SETD5: variants seen among roughly 807,000 people sequenced by gnomAD.
SETD5 encodes the protein histone-lysine N-methyltransferase SETD5.
In SETD5, 44 loss-of-function variants were observed where a neutral mutation model predicts 153.3. The ratio of observed to expected loss-of-function variants is 0.29; its 90% CI spans 0.23 to 0.37. The LOEUF (loss-of-function observed/expected upper bound fraction) is 0.37, where lower values mean the gene tolerates loss of function less well. Among genes scored for constraint, SETD5 ranks in the 10% least tolerant of loss-of-function variants. The probability of loss-of-function intolerance (pLI) is 1.00; values close to 1 mark genes in which losing one functional copy is unlikely to be tolerated. For synonymous variants in SETD5, 716 were observed against 645.2 expected (o/e 1.11, Z -1.66); for missense variants, 1,544 against 1,768.0 (o/e 0.87, Z 2.27).
intron 18 of SETD5, 162 bp downstream of exon 18, chr3:9,464,834 A>G (rs1445306541): frequency 1.8e-6 from 2 of 1,123,592 alleles, no homozygotes; most frequent in East Asian, 2.5e-5. Flanking sequence ...GTTACCTGGT[A>G]GCCTCTCATC....
At chr3:9,409,737 A>G (rs2036260121) in intron 1 of SETD5, among the ~76,000 whole-genome samples, 1 of 152,208 alleles carries the variant, frequency 6.6e-6, no homozygotes, top group Non-Finnish European at 1.5e-5. Context: ...CAATGAACAA[A>G]GTTTAAAAGT....
intron 16 of SETD5, among the ~76,000 whole-genome samples, chr3:9,449,082 C>G (rs1325458452): frequency 6.6e-6 from 1 of 152,232 alleles, no homozygotes; most frequent in East Asian, 1.9e-4. Flanking sequence ...TTATTATCCA[C>G]TATCATCACT....
intron 18 of SETD5, among the ~76,000 whole-genome samples, chr3:9,468,968 A>G (rs1368836226): frequency 2.6e-5 from 4 of 152,150 alleles, no homozygotes; most frequent in Non-Finnish European, 5.9e-5. Context: ...CAAAAGTTGT[A>G]AGAGCTGTTT....
chr3:9,429,146 C>G (rs1318930126), intron 3 of SETD5, 137 bp downstream of exon 3: 4 of 462,916 alleles, frequency 8.6e-6, no homozygotes, highest in Non-Finnish European at 1.5e-5. Context: ...AGACCTTTCC[C>G]TTTACCCCCA....
intron 1 of SETD5, among the ~76,000 whole-genome samples, chr3:9,416,554 A>C (rs944267669): frequency 2.0e-5 from 3 of 152,186 alleles, no homozygotes; most frequent in Non-Finnish European, 4.4e-5. Flanking sequence ...GACTTTTTTT[A>C]ATAACCACAA....
At chr3:9,438,926 A>G (rs1375536101) in intron 7 of SETD5, among the ~76,000 whole-genome samples, 1 of 152,224 alleles carries the variant, frequency 6.6e-6, no homozygotes, top group Non-Finnish European at 1.5e-5. Flanking sequence ...TCAATTGAGA[A>G]CCACTACTCT....
At chr3:9,442,909 G>A (rs537440527) in intron 10 of SETD5, 45 of 174,356 alleles carry the variant, frequency 2.6e-4, no homozygotes, top group South Asian at 2.2e-3. Context: ...GCATTGTGGC[G>A]TGTGCCTGTA....
intron 17 of SETD5, among the ~76,000 whole-genome samples, chr3:9,463,698 C>T (rs1361919406): frequency 1.3e-5 from 2 of 152,144 alleles, no homozygotes; most frequent in Non-Finnish European, 2.9e-5. Flanking sequence ...ATAGAAAGAG[C>T]TTCTGAAAAG....
intron 1 of SETD5, among the ~76,000 whole-genome samples, chr3:9,417,478 T>TA (rs1457938714): frequency 6.6e-6 from 1 of 150,904 alleles, no homozygotes; most frequent in East Asian, 1.9e-4. Flanking sequence ...TCAGTATAGA[T>TA]AAGTCTTTTT....
intron 1 of SETD5, among the ~76,000 whole-genome samples, chr3:9,402,379 C>T (rs904954043): frequency 2.0e-5 from 3 of 152,106 alleles, no homozygotes; most frequent in Non-Finnish European, 4.4e-5. Context: ...GTAATCGCAT[C>T]GTGCCTCATT....
rs2045797238 is a variant in SETD5 at position 9,475,800 on chromosome 3, C to T, written c.4038C>T (p.Ser1346=). 6.2e-7 allele frequency: 1 copy of T among 1,614,032 alleles called. No homozygotes were observed. Among genetic ancestry groups the T allele is most frequent in the East Asian group, 2.2e-5 (1 of 44,884 alleles). The part of the protein sequence containing the change: ...PRRSCPSSAA[S]PTLQGPSDSP... ...GGAGCTGCCCTTCTAGTGCTGCTAG[C>T]CCTACCCTGCAGGGACCCTCAGACT... The change falls in exon 23 of 23, where the codon AGC becomes AGT. Residue 1346 remains serine, a synonymous_variant. Coordinates refer to ENST00000402198, the MANE Select transcript of SETD5 (RefSeq NM_001080517.3).
intron 11 of SETD5, among the ~76,000 whole-genome samples, chr3:9,444,661 C>CTGGAGGAT (rs2041719041): frequency 6.6e-6 from 1 of 151,964 alleles, no homozygotes; most frequent in South Asian, 2.1e-4. Flanking sequence ...GAGGCTAAGG[C>CTGGAGGAT]TGGAGGATCA....
At chr3:9,426,250 T>TTTTTTTTTC (rs1377173601) in intron 2 of SETD5, 1 of 136,898 alleles carries the variant, frequency 7.3e-6, no homozygotes. Context: ...TTTTTTTTTT[T>TTTTTTTTTC]TTGGCAACAG....
intron 1 of SETD5, among the ~76,000 whole-genome samples, chr3:9,401,022 G>A (rs2034686412): frequency 6.6e-6 from 1 of 152,154 alleles, no homozygotes; most frequent in South Asian, 2.1e-4. Context: ...TCATTTTCGT[G>A]TAAATGTACT....
intron 1 of SETD5, among the ~76,000 whole-genome samples, chr3:9,409,823 G>A (rs758184304): frequency 1.3e-5 from 2 of 152,138 alleles, no homozygotes; most frequent in African/African-American, 2.4e-5. Flanking sequence ...TGATGTTTAC[G>A]TAAACCTAAT....
chr3:9,434,188 C>G lies in SETD5; in HGVS notation c.178-146C>G. The G allele has an allele frequency of 6.5e-7, 1 of 1,548,306 alleles. No individual in the cohort carries two copies. Among genetic ancestry groups the G allele is most frequent in the Non-Finnish European group, 8.7e-7 (1 of 1,143,544 alleles). ...TGAAGCCAAAAAACAAAGGGTACTACTTTCTTCTTTCTTTCCATATGTACC... is the reference window on the plus strand; with the variant it reads ...TGAAGCCAAAAAACAAAGGGTACTAGTTTCTTCTTTCTTTCCATATGTACC... On this transcript the variant is annotated intron_variant, in intron 4 of 22. Transcript: ENST00000402198. The surrounding 1 kb of genome is among the most constrained non-coding windows in gnomAD (Gnocchi z 5.6).
At position 9,445,117 on chromosome 3, in the gene SETD5, T is replaced by C; in HGVS notation, c.1257T>C (p.Asn419=). ...GTCCTATACAAAAAAGGAATCCTAA[T>C]GCTACAGAACTGCCACTCCTACCAC... The part of the protein sequence containing the change: ...RNCPIQKRNP[N]ATELPLLPPP... The change falls in exon 12 of 23, where the codon AAT becomes AAC. Residue 419 remains asparagine (N), a synonymous_variant. Coordinates refer to ENST00000402198, the MANE Select transcript of SETD5 (RefSeq NM_001080517.3). 1.2e-6 allele frequency: 2 copies of C among 1,613,994 alleles called. No homozygotes were observed. The highest frequency in any genetic ancestry group is 2.2e-5 in the East Asian group (1 of 44,880).
intron 1 of SETD5, among the ~76,000 whole-genome samples, chr3:9,404,383 T>G (rs910889566): frequency 6.6e-6 from 1 of 152,218 alleles, no homozygotes; most frequent in African/African-American, 2.4e-5. Context: ...TTGGCAGTAA[T>G]GATATAATAT....
At chr3:9,423,436 GTTAAA>G (rs1489558956) in intron 1 of SETD5, among the ~76,000 whole-genome samples, 3 of 152,146 alleles carry the variant, frequency 2.0e-5, no homozygotes, top group Non-Finnish European at 2.9e-5. Context: ...TCTGGAAATA[GTTAAA>G]TTAATAATAA....
Sources: allele counts gnomAD v4.1 joint callset (sites outside exome capture counted in the v4.1 genomes callset), GRCh38; gene constraint gnomAD v4.1.1; non-coding constraint Gnocchi (gnomAD v3.1); transcripts MANE v1.5; gene names NCBI Gene and HGNC (gene_info 2026-07-23, HGNC 2026-07-21).